Variants in FDX1 observed in about 807,000 individuals in gnomAD.
FDX1 encodes adrenodoxin, mitochondrial.
In FDX1, 9 loss-of-function variants were observed where a neutral mutation model predicts 14.9. That is an observed-to-expected ratio of 0.60 (90% CI 0.36 to 1.05). The LOEUF (loss-of-function observed/expected upper bound fraction) is 1.05, where lower values mean the gene tolerates loss of function less well. Ranked by LOEUF, FDX1 falls within the 50% of genes least tolerant of loss-of-function variation. FDX1 has a pLI of 0.01. For missense variants in FDX1, 204 were observed against 237.2 expected (o/e 0.86, Z 0.92); for synonymous variants, 92 against 99.4 (o/e 0.93, Z 0.44).
Position 110,435,869 on chromosome 11 carries a change from G to A in FDX1, c.221G>A (p.Arg74His), listed in dbSNP as rs761435469. The A allele has an allele frequency of 4.3e-6, 7 of 1,609,794 alleles. No individual in the cohort carries two copies. The highest frequency in any genetic ancestry group is 1.7e-5 in the Admixed American group (1 of 59,828). ...EDKITVHFIN[R>H]DGETLTTKGK... ...AAAATAACAGTCCACTTTATAAACC[G>A]TGATGGTGAAACATTAACAACCAAA... is the stretch of plus-strand genomic sequence containing the variant. Residue 74 changes from arginine (R) to histidine (H), a missense_variant, in exon 2 of 4, where the codon CGT becomes CAT. Arg to His is a conservative substitution (Grantham distance 29, BLOSUM62 0). Coordinates refer to ENST00000260270, the MANE Select transcript of FDX1 (RefSeq NM_004109.5).
At chr11:110,442,847 T>C (rs1946413384) in intron 2 of FDX1, among the ~76,000 whole-genome samples, 1 of 152,172 alleles carries the variant, frequency 6.6e-6, no homozygotes, top group South Asian at 2.1e-4. Flanking sequence ...TATCCAGACC[T>C]CATCTTGAAT....
chr11:110,433,738 C>T (rs1282443414), intron 1 of FDX1, among the ~76,000 whole-genome samples: 1 of 40,694 alleles, frequency 2.5e-5, no homozygotes, highest in African/African-American at 1.6e-4. Context: ...CATTCTGGTA[C>T]ACACACACAC....
chr11:110,444,728 A>ATATACG (rs1946436578), intron 2 of FDX1, among the ~76,000 whole-genome samples: 2 of 67,600 alleles, frequency 3.0e-5, no homozygotes, highest in African/African-American at 1.3e-4. Flanking sequence ...ATATACGTAT[A>ATATACG]TATATATATA....
intron 2 of FDX1, among the ~76,000 whole-genome samples, chr11:110,448,461 C>T (rs1434628862): frequency 1.3e-5 from 2 of 151,996 alleles, no homozygotes; most frequent in African/African-American, 2.4e-5. Context: ...TTGTCAGCAT[C>T]GTAGTAGATA....
At chr11:110,445,917 A>G (rs1012411244) in intron 2 of FDX1, among the ~76,000 whole-genome samples, 1 of 152,242 alleles carries the variant, frequency 6.6e-6, no homozygotes. Context: ...ATTTAAAAAG[A>G]ATTTAACACT....
At chr11:110,444,737 TATATATACAC>T (rs1946437344) in intron 2 of FDX1, among the ~76,000 whole-genome samples, 1 of 66,578 alleles carries the variant, frequency 1.5e-5, no homozygotes, top group African/African-American at 7.4e-5. Flanking sequence ...TATATATATA[TATATATACAC>T]GTATATATAT....
intron 1 of FDX1, among the ~76,000 whole-genome samples, chr11:110,433,612 T>G (rs982177824): frequency 1.3e-5 from 2 of 152,204 alleles, no homozygotes; most frequent in African/African-American, 4.8e-5. Context: ...CCATTGTACT[T>G]TGAAAAAAAT....
At chr11:110,431,942 C>T (rs1261488995) in intron 1 of FDX1, among the ~76,000 whole-genome samples, 1 of 152,132 alleles carries the variant, frequency 6.6e-6, no homozygotes. Flanking sequence ...CTACTAATCA[C>T]ATGTGGCTAT....
At chr11:110,434,334 ATT>A (rs1555068018) in intron 1 of FDX1, among the ~76,000 whole-genome samples, 30 of 126,316 alleles carry the variant, frequency 2.4e-4, no homozygotes, top group Admixed American at 2.6e-4. Context: ...CGCCCTATTG[ATT>A]TTTTTTTTTT....
intron 2 of FDX1, among the ~76,000 whole-genome samples, chr11:110,448,596 A>G (rs1591251718): frequency 6.6e-6 from 1 of 152,322 alleles, no homozygotes; most frequent in South Asian, 2.1e-4. Flanking sequence ...TCTAGGAATT[A>G]ATTTCACAGC....
intron 3 of FDX1, among the ~76,000 whole-genome samples, chr11:110,459,293 A>C (rs1036538459): frequency 6.6e-6 from 1 of 152,248 alleles, no homozygotes; most frequent in African/African-American, 2.4e-5. Flanking sequence ...TGAAGCTCTC[A>C]GAACAGTGCT....
intron 3 of FDX1, among the ~76,000 whole-genome samples, chr11:110,460,567 CT>C (rs1460330936): frequency 6.6e-6 from 1 of 152,250 alleles, no homozygotes; most frequent in African/African-American, 2.4e-5. Context: ...GAAGTAAGGG[CT>C]TTCTTCTTAG....
At chr11:110,453,604 A>G (rs1028287872) in intron 2 of FDX1, among the ~76,000 whole-genome samples, 3 of 151,352 alleles carry the variant, frequency 2.0e-5, no homozygotes, top group East Asian at 1.9e-4. Flanking sequence ...GGTGTCTCCA[A>G]TATTCTCTAA....
chr11:110,462,970 A>AAAT lies in FDX1; in HGVS notation c.*503_*504insATA, dbSNP rs1946565219. On this transcript the variant is annotated 3_prime_UTR_variant, in exon 4 of 4. Transcript: ENST00000260270. ...ACTATTTTATTTATAGTAGTAGTTAAATCTGAATGTGTATGGACAAAAATA... is the reference window on the plus strand; with the variant it reads ...ACTATTTTATTTATAGTAGTAGTTAAAATATCTGAATGTGTATGGACAAAAATA... 6.6e-6 allele frequency: 1 copy of AAAT among 152,366 alleles called. No homozygotes were observed. Among genetic ancestry groups the AAAT allele is most frequent in the African/African-American group, 2.4e-5 (1 of 41,464 alleles). 9.4% of individuals were successfully genotyped at this position (152,366 alleles called of 1,614,324 possible). A position where few individuals can be genotyped will look rare whatever the true frequency, so the allele number is the denominator to read the frequency against.
At chr11:110,448,631 G>A (rs564644383) in intron 2 of FDX1, among the ~76,000 whole-genome samples, 5 of 152,300 alleles carry the variant, frequency 3.3e-5, no homozygotes, top group African/African-American at 9.6e-5. Context: ...ATTTGCCCAA[G>A]TACTTACTAT....
Position 110,462,677 on chromosome 11 carries a change from A to G in FDX1, c.*209A>G. On this transcript the variant is annotated 3_prime_UTR_variant, in exon 4 of 4. Transcript: ENST00000260270. ...TATATTACAAAAATGTCAATCAAAT[A>G]TTAAAAAATAGTTAATGTGATAGAA... 1 of 352,532 alleles carries G rather than the reference A, an allele frequency of 2.8e-6. No individual in the cohort carries two copies. The highest frequency in any genetic ancestry group is 5.1e-6 in the Non-Finnish European group (1 of 195,838). The allele number at this position is 352,532 out of a possible 1,614,324, so 21.8% of individuals were successfully genotyped here.
Position 110,444,730 on chromosome 11 carries a change from A to ATATATATACGTG in FDX1, c.310+8780_310+8781insCGTGTATATATA, listed in dbSNP as rs1565382043. Among the ~76,000 whole-genome samples, 34 of 65,924 alleles carry ATATATATACGTG rather than the reference A, an allele frequency of 5.2e-4. 3 individuals are homozygous for ATATATATACGTG. The highest frequency in any genetic ancestry group is 2.1e-3 in the African/African-American group (29 of 13,850). 43.2% of individuals were successfully genotyped at this position (65,924 alleles called of 152,430 possible). ...CGTATATATATATATATACGTATAT[A>ATATATATACGTG]TATATATATATATACACGTATATAT... On this transcript the variant is annotated intron_variant, in intron 2 of 3. Coordinates refer to ENST00000260270, the MANE Select transcript of FDX1 (RefSeq NM_004109.5).
intron 2 of FDX1, among the ~76,000 whole-genome samples, chr11:110,441,408 T>A (rs1946403471): frequency 6.6e-6 from 1 of 152,192 alleles, no homozygotes; most frequent in Admixed American, 6.5e-5. Context: ...GTGGAATGGC[T>A]TTGGCCAAAA....
In FDX1 at chr11:110,441,015, G is replaced by C. The variant is rs1565380874; in HGVS notation, c.310+5057G>C. ...TTTCTTATGCTGTTCTTGTGACAGT[G>C]AATAAATCTCACAAGATCTGACAAT... On this transcript the variant is annotated intron_variant, in intron 2 of 3. Transcript: ENST00000260270. Among the ~76,000 whole-genome samples, 3 of 152,288 alleles carry C rather than the reference G, an allele frequency of 2.0e-5. No homozygotes were observed. In the East Asian group the frequency reaches 5.8e-4, roughly 29 times the overall value.
Sources: gnomAD v4.1 joint callset for allele counts (sites outside exome capture counted in the v4.1 genomes callset) on GRCh38, gnomAD v4.1.1 for gene constraint, MANE v1.5 for transcripts, NCBI Gene and HGNC (gene_info 2026-07-23, HGNC 2026-07-21) for gene names.